PBRM1: variants seen among roughly 807,000 people sequenced by gnomAD.
The protein encoded by PBRM1 is protein polybromo-1.
Under a neutral mutation model 194.5 loss-of-function variants are expected in PBRM1, and 27 were observed. That is an observed-to-expected ratio of 0.14 (90% CI 0.10 to 0.19). The LOEUF (loss-of-function observed/expected upper bound fraction) is 0.19, where lower values mean the gene tolerates loss of function less well. Among genes scored for constraint, PBRM1 ranks in the 10% least tolerant of loss-of-function variants. The probability of loss-of-function intolerance (pLI) is 1.00; values close to 1 mark genes in which losing one functional copy is unlikely to be tolerated. For synonymous variants in PBRM1, 655 were observed against 693.2 expected (o/e 0.94, Z 0.87); for missense variants, 1,466 against 2,077.2 (o/e 0.71, Z 5.72).
At chr3:52,610,796 C>A (rs536937931) in intron 15 of PBRM1, among the ~76,000 whole-genome samples, 1 of 151,986 alleles carries the variant, frequency 6.6e-6, no homozygotes, top group Non-Finnish European at 1.5e-5. Flanking sequence ...AAAAATTAGC[C>A]GAGTGTGGTG....
At chr3:52,606,373 A>G (rs762181105) in intron 16 of PBRM1, among the ~76,000 whole-genome samples, 2 of 152,228 alleles carry the variant, frequency 1.3e-5, no homozygotes, top group African/African-American at 2.4e-5. Context: ...ACTTGAAATT[A>G]AAGTTCATTT....
intron 3 of PBRM1, among the ~76,000 whole-genome samples, chr3:52,667,680 G>C (rs1025780448): frequency 6.7e-6 from 1 of 149,394 alleles, no homozygotes; most frequent in African/African-American, 2.5e-5. Context: ...TTGAACCTGG[G>C]AAGAAGAGGT....
chr3:52,671,519 A>C (rs1374102738), intron 2 of PBRM1, among the ~76,000 whole-genome samples: 1 of 152,224 alleles, frequency 6.6e-6, no homozygotes, highest in African/African-American at 2.4e-5. Flanking sequence ...TGGAGTCAGA[A>C]CGACTTTAGT....
At chr3:52,566,371 T>C (rs1312189952) in intron 22 of PBRM1, among the ~76,000 whole-genome samples, 1 of 152,212 alleles carries the variant, frequency 6.6e-6, no homozygotes, top group African/African-American at 2.4e-5. Context: ...GAGGATCAAC[T>C]ACTTGTACAC....
chr3:52,673,909 G>T (rs2097017629), intron 2 of PBRM1, among the ~76,000 whole-genome samples: 1 of 151,314 alleles, frequency 6.6e-6, no homozygotes, highest in African/African-American at 2.4e-5. Flanking sequence ...AAATTAGCCA[G>T]GCATGGTGGC....
chr3:52,576,741 T>G, intron 21 of PBRM1, 43 bp from the exon 24 acceptor site: 1 of 1,466,160 alleles, frequency 6.8e-7, no homozygotes, highest in Non-Finnish European at 9.3e-7. Flanking sequence ...ATAGTTTCCT[T>G]CTTGAAGGAT....
intron 17 of PBRM1, among the ~76,000 whole-genome samples, chr3:52,598,525 A>C (rs913977828): frequency 3.9e-5 from 6 of 152,218 alleles, no homozygotes; most frequent in Non-Finnish European, 8.8e-5. Flanking sequence ...TAAGGATGTC[A>C]TTCCTTTTTA....
intron 22 of PBRM1, among the ~76,000 whole-genome samples, chr3:52,571,801 T>C (rs2087372554): frequency 7.5e-6 from 1 of 133,822 alleles, no homozygotes; most frequent in Admixed American, 9.2e-5. Context: ...GCAGGGAGGA[T>C]GCTTGAGGCC....
At chr3:52,548,210 C>A in exon 30 of PBRM1, 1 of 1,590,904 alleles carries the variant, frequency 6.3e-7, no homozygotes, top group Non-Finnish European at 8.5e-7. Context: ...CCTGTTCTTT[C>A]GACAAATGGA....
rs368209012 is a variant in PBRM1, at chr3:52,651,234, G to A, written c.714+508C>T. On this transcript the variant is annotated intron_variant, in intron 6 of 29. Transcript: ENST00000296302. ...CACTATTTACTGCCAGGGATACAGT[G>A]AAGGGGTAGGGTAGAGAGGGCCAAA... Among the ~76,000 whole-genome samples, 6 of 152,324 alleles carry A rather than the reference G, an allele frequency of 3.9e-5. No individual in the cohort carries two copies. The South Asian group carries it at 1.2e-3, about 32-fold the overall frequency.
intron 23 of PBRM1, among the ~76,000 whole-genome samples, 175 bp downstream of exon 25, chr3:52,563,875 G>C (rs1275535826): frequency 2.6e-5 from 4 of 151,742 alleles, no homozygotes; most frequent in African/African-American, 7.3e-5. Context: ...GCAGCCACCA[G>C]GTCCCAGCAG....
At chr3:52,684,509 C>T (rs2097276066), upstream of PBRM1, among the ~76,000 whole-genome samples, 1 of 152,070 alleles carries the variant, frequency 6.6e-6, no homozygotes, top group African/African-American at 2.4e-5. Context: ...AAAAAAAACA[C>T]CTATAAACCT....
In PBRM1 at chr3:52,612,258, C is replaced by CAAAAAAAAAAAAAAAAAAAAAA. The variant is rs566481465; in HGVS notation, c.1925-2325_1925-2304dup. The stretch of plus-strand genomic sequence containing the variant: ...TAGGCAACAGAGCGAGATTCCGTCT[C>CAAAAAAAAAAAAAAAAAAAAAA]AAAAAAAAAAAAAAAAAAAAAAAAG... On this transcript the variant is annotated intron_variant, in intron 15 of 29. Transcript: ENST00000296302. Among the ~76,000 whole-genome samples, 40 of 24,006 alleles carry CAAAAAAAAAAAAAAAAAAAAAA rather than the reference C, an allele frequency of 1.7e-3. 3 individuals are homozygous for CAAAAAAAAAAAAAAAAAAAAAA. The highest frequency in any genetic ancestry group is 2.6e-3 in the Non-Finnish European group (34 of 12,906). 15.7% of individuals were successfully genotyped at this position (24,006 alleles called of 152,430 possible).
At chr3:52,630,011 A>G (rs2095566133) in intron 11 of PBRM1, among the ~76,000 whole-genome samples, 1 of 152,202 alleles carries the variant, frequency 6.6e-6, no homozygotes, top group African/African-American at 2.4e-5. Flanking sequence ...GCACAAATTC[A>G]GCTCTCAGTA....
At chr3:52,661,286 A>G (rs2096719736) in intron 4 of PBRM1, among the ~76,000 whole-genome samples, 1 of 152,176 alleles carries the variant, frequency 6.6e-6, no homozygotes. Flanking sequence ...TGGCCTCCCA[A>G]AGTGCTGGGA....
rs1243647173 is a variant in PBRM1, at chr3:52,668,486, A to T, written c.384+12T>A. On this transcript the variant is annotated intron_variant, in intron 3 of 29. Coordinates refer to ENST00000296302, the Ensembl canonical transcript of PBRM1. ...TCCAATTGGTATCTTTCCAAATTTC[A>T]TAATTTCTTACCTTATAATAGGACT... 6.4e-7 allele frequency: 1 copy of T among 1,574,702 alleles called. No individual in the cohort carries two copies. The highest frequency in any genetic ancestry group is 1.4e-5 in the African/African-American group (1 of 72,672).
rs1441700419 is a variant in PBRM1 at position 52,642,622 on chromosome 3, A to C, written c.996-577T>G. 3.3e-5 allele frequency among the ~76,000 whole-genome samples: 5 copies of C among 151,622 alleles called. No homozygotes were observed. The East Asian group carries it at 7.7e-4, about 23-fold the overall frequency. On this transcript the variant is annotated intron_variant, in intron 9 of 29. Coordinates refer to ENST00000296302, the Ensembl canonical transcript of PBRM1. ...AAACTTCGTCTCAAAAAAAAAAAAA[A>C]AAAAAACCAAAAACCAAACAAACAA... is the stretch of plus-strand genomic sequence containing the variant.
intron 27 of PBRM1, among the ~76,000 whole-genome samples, chr3:52,553,393 T>C (rs1396929367): frequency 2.0e-5 from 3 of 152,172 alleles, no homozygotes; most frequent in Non-Finnish European, 2.9e-5. Flanking sequence ...AATCCATTTA[T>C]ATATTTCTAT....
At chr3:52,620,986 A>C (rs193257842) in intron 13 of PBRM1, among the ~76,000 whole-genome samples, 135 of 152,196 alleles carry the variant, frequency 8.9e-4, no homozygotes, top group Non-Finnish European at 1.5e-3. Context: ...TGCCAGAAAA[A>C]ACTCAGAGCC....
Sources: gnomAD v4.1 joint callset for allele counts (sites outside exome capture counted in the v4.1 genomes callset) on GRCh38, gnomAD v4.1.1 for gene constraint, MANE v1.5 for transcripts, NCBI Gene and HGNC (gene_info 2026-07-23, HGNC 2026-07-21) for gene names.